Variants in GAREM1 observed in about 807,000 individuals in gnomAD.
GAREM1 encodes GRB2-associated and regulator of MAPK protein 1.
GAREM1 carries 26 observed loss-of-function variants against 71.3 expected under a neutral mutation model. The ratio of observed to expected loss-of-function variants is 0.36; its 90% CI spans 0.27 to 0.51. The LOEUF (loss-of-function observed/expected upper bound fraction) is 0.51. GAREM1 is among the 20% of genes least tolerant of loss of function. The pLI, the probability that GAREM1 is intolerant of heterozygous loss-of-function variation, is 0.95. For synonymous variants in GAREM1, 440 were observed against 433.2 expected (o/e 1.02, Z -0.20); for missense variants, 1,026 against 1,103.1 (o/e 0.93, Z 0.99).
At position 32,284,292 on chromosome 18, in the gene GAREM1, T is replaced by C. The variant is rs78338699; in HGVS notation, c.1566+2739A>G. ...TAAAAAATCTTTAGGTTTATAGCAA[T>C]CTACAAACACTGGACACGCTCTGAA... On this transcript the variant is annotated intron_variant, in intron 4 of 5. Transcript: ENST00000269209. 1.9e-3 allele frequency among the ~76,000 whole-genome samples: 295 copies of C among 152,314 alleles called. 10 individuals are homozygous for C. The East Asian group carries it at 0.046, about 24-fold the overall frequency.
chr18:32,268,314 G>T lies in GAREM1; in HGVS notation c.2188C>A (p.Pro730Thr). The change falls in exon 6 of 6, where the codon CCA becomes ACA. Residue 730 changes from proline to threonine, a missense_variant. Pro to Thr is a conservative substitution (Grantham distance 38, BLOSUM62 -1). Transcript: ENST00000269209. ...TSCPALPPRA[P>T]KLVEEKVASE... is the part of the protein sequence containing the mutation. The stretch of plus-strand genomic sequence containing the variant: ...GCGACCTTCTCTTCCACTAGTTTTG[G>T]AGCCCTGGGGGGTAAGGCAGGGCAT... 6.2e-7 allele frequency: 1 copy of T among 1,614,066 alleles called. No individual in the cohort carries two copies. Among genetic ancestry groups the T allele is most frequent in the Non-Finnish European group, 8.5e-7 (1 of 1,180,016 alleles).
At chr18:32,430,872 T>C (rs999874909) in intron 1 of GAREM1, among the ~76,000 whole-genome samples, 4 of 152,232 alleles carry the variant, frequency 2.6e-5, no homozygotes, top group Non-Finnish European at 5.9e-5. Flanking sequence ...TTGTGGGGAG[T>C]GCAGGGCAGA....
At chr18:32,307,776 G>T (rs1028359831) in intron 3 of GAREM1, among the ~76,000 whole-genome samples, 1 of 152,150 alleles carries the variant, frequency 6.6e-6, no homozygotes, top group Non-Finnish European at 1.5e-5. Context: ...ACCTGCCTCA[G>T]CCTCCCAAAG....
intron 2 of GAREM1, among the ~76,000 whole-genome samples, chr18:32,349,241 C>T (rs533861277): frequency 2.0e-5 from 3 of 152,272 alleles, no homozygotes; most frequent in African/African-American, 7.2e-5. Flanking sequence ...AAGGACTGAA[C>T]TCTTCATGGC....
At chr18:32,458,380 T>C (rs2048917779) in intron 1 of GAREM1, among the ~76,000 whole-genome samples, 2 of 152,048 alleles carry the variant, frequency 1.3e-5, no homozygotes, top group African/African-American at 4.8e-5. Context: ...TTTCATACAA[T>C]GCAAGGGAAT....
chr18:32,445,171 A>G (rs2048775082), intron 1 of GAREM1, among the ~76,000 whole-genome samples: 1 of 152,146 alleles, frequency 6.6e-6, no homozygotes, highest in South Asian at 2.1e-4. Flanking sequence ...CCACTCCCCA[A>G]CACAAACCTG....
intron 4 of GAREM1, among the ~76,000 whole-genome samples, chr18:32,276,100 A>C (rs2041539098): frequency 6.6e-6 from 1 of 152,274 alleles, no homozygotes; most frequent in African/African-American, 2.4e-5. Context: ...AGAGCTAAAC[A>C]GAAAGCTCAT....
At chr18:32,459,310 G>A (rs968231650) in intron 1 of GAREM1, among the ~76,000 whole-genome samples, 2 of 151,734 alleles carry the variant, frequency 1.3e-5, no homozygotes, top group Admixed American at 6.6e-5. Context: ...TAAACTCTCT[G>A]TGTTGTATAA....
chr18:32,466,025 G>C (rs1473305054), intron 1 of GAREM1, among the ~76,000 whole-genome samples: 1 of 152,192 alleles, frequency 6.6e-6, no homozygotes, highest in African/African-American at 2.4e-5. Flanking sequence ...TCGTGTTGCA[G>C]GGTTAAAGTC....
At chr18:32,338,959 G>GA (rs2047624038) in intron 2 of GAREM1, among the ~76,000 whole-genome samples, 3 of 151,962 alleles carry the variant, frequency 2.0e-5, no homozygotes, top group African/African-American at 4.8e-5. Context: ...CCTTAAAAAA[G>GA]AAAAAAAGGA....
At chr18:32,350,233 CAT>C (rs1411852598) in intron 2 of GAREM1, among the ~76,000 whole-genome samples, 1 of 152,098 alleles carries the variant, frequency 6.6e-6, no homozygotes, top group Non-Finnish European at 1.5e-5. Flanking sequence ...TATATATACA[CAT>C]GGAGACATGT....
At chr18:32,408,427 T>C (rs2048385760) in intron 1 of GAREM1, among the ~76,000 whole-genome samples, 1 of 152,098 alleles carries the variant, frequency 6.6e-6, no homozygotes, top group Non-Finnish European at 1.5e-5. Context: ...ATATCAAGTA[T>C]CCCTAATGCA....
chr18:32,287,267 C>T lies in GAREM1; in HGVS notation c.1330G>A (p.Gly444Ser). 3 of 1,614,200 alleles carry T rather than the reference C, an allele frequency of 1.9e-6. No individual in the cohort carries two copies. Among genetic ancestry groups the T allele is most frequent in the Non-Finnish European group, 1.7e-6 (2 of 1,180,028 alleles). The change falls in exon 4 of 6, where the codon GGC (glycine) becomes AGC (serine). Residue 444 changes from glycine (G) to serine (S), a missense_variant. Gly to Ser is a moderately conservative substitution (Grantham distance 56). This residue lies in a region of GAREM1 where 636 missense variants were observed against 631.2 expected (regional missense o/e 1.01). Coordinates refer to ENST00000269209, the MANE Select transcript of GAREM1 (RefSeq NM_001242409.2). This position sits in a 1 kb window ranked among gnomAD's most constrained non-coding sequence, Gnocchi z 5.9. The stretch of plus-strand genomic sequence containing the variant: ...GGAAGTTCTGACTTTCCCGGGATGC[C>T]TGCTGATTCTTCACTAGCTTCTGGG... Reference protein sequence around the residue: ...LFPEASEESAGIPGKSELPYE... With the variant: ...LFPEASEESASIPGKSELPYE...
intron 2 of GAREM1, among the ~76,000 whole-genome samples, chr18:32,350,817 T>G (rs2047741997): frequency 6.6e-6 from 1 of 152,182 alleles, no homozygotes; most frequent in Non-Finnish European, 1.5e-5. Context: ...GGTCAAGCTT[T>G]TACATTTCTG....
At chr18:32,405,131 T>A (rs2048353551) in intron 1 of GAREM1, among the ~76,000 whole-genome samples, 1 of 152,226 alleles carries the variant, frequency 6.6e-6, no homozygotes, top group Non-Finnish European at 1.5e-5. Flanking sequence ...GTCCTTTTCA[T>A]GTAGAAAGGA....
chr18:32,455,251 A>G (rs747803897), intron 1 of GAREM1, among the ~76,000 whole-genome samples: 13 of 151,968 alleles, frequency 8.6e-5, no homozygotes, highest in Non-Finnish European at 1.5e-4. Context: ...TGCATGTGAG[A>G]TTAAGAGGAA....
intron 1 of GAREM1, among the ~76,000 whole-genome samples, chr18:32,419,373 A>G (rs1482810633): frequency 6.6e-6 from 1 of 152,120 alleles, no homozygotes; most frequent in Non-Finnish European, 1.5e-5. Context: ...TGATGGTATA[A>G]GGAAGTGGGG....
In GAREM1 at chr18:32,287,935, G is replaced by A; in HGVS notation, c.662C>T (p.Thr221Ile). The A allele has an allele frequency of 1.9e-6, 3 of 1,614,050 alleles. No homozygotes were observed. The highest frequency in any genetic ancestry group is 2.5e-6 in the Non-Finnish European group (3 of 1,180,018). Residue 221 changes from threonine (T) to isoleucine (I), a missense_variant, in exon 4 of 6, where the codon ACC (threonine) becomes ATC (isoleucine). Around this residue, in one of 3 missense-constraint regions of GAREM1, gnomAD observed 218 missense variants for 296.8 expected, o/e 0.73. Coordinates refer to ENST00000269209, the MANE Select transcript of GAREM1 (RefSeq NM_001242409.2). This position sits in a 1 kb window ranked among gnomAD's most constrained non-coding sequence, Gnocchi z 5.9. ...CATCTGAAGTTCCAGGGGACTTCGG[G>A]TGCTAAATCTGCCCTTGCACTGGAA... ...LPFQCKGRFS[T>I]RSPLELQMQE...
intron 2 of GAREM1, among the ~76,000 whole-genome samples, chr18:32,337,103 G>A (rs1391539692): frequency 2.6e-5 from 4 of 152,268 alleles, no homozygotes; most frequent in Middle Eastern, 6.8e-3. Flanking sequence ...GAGACTCTAG[G>A]GAGATATTCA....
Sources: gnomAD v4.1 joint callset for allele counts (sites outside exome capture counted in the v4.1 genomes callset) on GRCh38, gnomAD v4.1.1 for gene constraint, gnomAD v4.1.1 regional missense constraint, Gnocchi (gnomAD v3.1) non-coding constraint, MANE v1.5 for transcripts, NCBI Gene and HGNC (gene_info 2026-07-23, HGNC 2026-07-21) for gene names.